Variants in TCF7 observed in about 807,000 individuals in gnomAD.
The protein encoded by TCF7 is T-cell-factor-7.
TCF7 carries 19 observed loss-of-function variants against 46.8 expected under a neutral mutation model. That is an observed-to-expected ratio of 0.41 (90% CI 0.28 to 0.60). The LOEUF (loss-of-function observed/expected upper bound fraction) is 0.60, where lower values mean the gene tolerates loss of function less well. Among genes scored for constraint, TCF7 ranks in the 20% least tolerant of loss-of-function variants. The pLI is 0.35. For missense variants in TCF7, 547 were observed against 504.6 expected, an observed-to-expected ratio of 1.08 and a Z score of -0.81; for synonymous variants, 245 against 213.4, an observed-to-expected ratio of 1.15 and a Z score of -1.29.
intron 3 of TCF7, among the ~76,000 whole-genome samples, chr5:134,130,198 GA>G (rs1161702397): frequency 1.3e-5 from 2 of 152,216 alleles, no homozygotes; most frequent in Admixed American, 6.5e-5. Context: ...TGGGGTCTGC[GA>G]AAGCCCACAA....
chr5:134,145,637 A>C, intron 9 of TCF7: 1 of 1,228,636 alleles, frequency 8.1e-7, no homozygotes, highest in Non-Finnish European at 1.2e-6. Flanking sequence ...CTCCCTGTCC[A>C]AGGGCAAGGA....
chr5:134,114,042 G>C (rs1755459102), upstream of TCF7, among the ~76,000 whole-genome samples: 1 of 152,328 alleles, frequency 6.6e-6, no homozygotes, highest in Non-Finnish European at 1.5e-5. Flanking sequence ...GCTCGGAGCC[G>C]TCGCCTGACT....
At chr5:134,110,333 C>A (rs907766521), upstream of TCF7, among the ~76,000 whole-genome samples, 1 of 152,122 alleles carries the variant, frequency 6.6e-6, no homozygotes, top group Non-Finnish European at 1.5e-5. Flanking sequence ...ACAGAAGAGT[C>A]CTTCCTTCCT....
chr5:134,140,562 G>C, intron 5 of TCF7: 1 of 338,260 alleles, frequency 3.0e-6, no homozygotes. Context: ...GAGGGGCCCA[G>C]GGGCCTGCTA....
intron 3 of TCF7, among the ~76,000 whole-genome samples, chr5:134,116,423 C>G (rs1038971840): frequency 7.2e-5 from 11 of 152,232 alleles, no homozygotes; most frequent in African/African-American, 2.7e-4. Context: ...CCAGGAAACC[C>G]TGAGCCTCCT....
chr5:134,127,751 C>T (rs772971729), intron 3 of TCF7, among the ~76,000 whole-genome samples: 5 of 152,234 alleles, frequency 3.3e-5, no homozygotes, highest in Non-Finnish European at 5.9e-5. Flanking sequence ...CTGGTCATTG[C>T]GGGCCAGCCA....
intron 2 of TCF7, 25 bp downstream of exon 2, chr5:134,115,412 C>T: frequency 1.3e-6 from 2 of 1,582,128 alleles, no homozygotes; most frequent in East Asian, 2.3e-5. Flanking sequence ...GGCCCGGCTT[C>T]CCTTCGTCGC....
chr5:134,138,491 G>A, intron 4 of TCF7: 1 of 320,506 alleles, frequency 3.1e-6, no homozygotes, highest in South Asian at 7.4e-5. Flanking sequence ...AGTGGTGGTT[G>A]TGATGGCTGA....
intron 3 of TCF7, among the ~76,000 whole-genome samples, chr5:134,125,108 T>C (rs1339405882): frequency 6.6e-6 from 1 of 152,124 alleles, no homozygotes; most frequent in African/African-American, 2.4e-5. Context: ...CTTGCAAGCA[T>C]TGCTCCAGAG....
At chr5:134,126,602 A>G (rs1757376247) in intron 3 of TCF7, among the ~76,000 whole-genome samples, 1 of 152,252 alleles carries the variant, frequency 6.6e-6, no homozygotes. Flanking sequence ...TACTCATATC[A>G]AGATTGTACA....
upstream of TCF7, among the ~76,000 whole-genome samples, chr5:134,110,703 G>C (rs1040534770): frequency 5.3e-5 from 8 of 152,360 alleles, no homozygotes; most frequent in Middle Eastern, 3.4e-3. Flanking sequence ...TGAGCAGGAA[G>C]AGACGCCGCT....
upstream of TCF7, among the ~76,000 whole-genome samples, chr5:134,110,692 G>A (rs1755316450): frequency 6.6e-6 from 1 of 152,232 alleles, no homozygotes; most frequent in African/African-American, 2.4e-5. Context: ...AGGCGGGCTG[G>A]TGAGCAGGAA....
intron 3 of TCF7, among the ~76,000 whole-genome samples, chr5:134,128,470 C>G (rs1757649613): frequency 6.6e-6 from 1 of 151,930 alleles, no homozygotes; most frequent in Non-Finnish European, 1.5e-5. Flanking sequence ...CAGACAGAGC[C>G]CCAGGGGTCT....
rs1181978581 is a variant in TCF7 at position 134,146,550 on chromosome 5, G to A, written c.*247G>A. On this transcript the variant is annotated 3_prime_UTR_variant, in exon 10 of 10. Transcript: ENST00000342854. Reference sequence around the variant, plus strand: ...GCACAGGACACCTGGCCGCCTCCAGGAGCCTACCCCCTGAAAGTGACAGAG... The same window carrying A: ...GCACAGGACACCTGGCCGCCTCCAGAAGCCTACCCCCTGAAAGTGACAGAG... 1 of 713,452 alleles carries A rather than the reference G, an allele frequency of 1.4e-6. No individual in the cohort carries two copies. Among genetic ancestry groups the A allele is most frequent in the Non-Finnish European group, 2.6e-6 (1 of 384,674 alleles). 44.2% of individuals were successfully genotyped at this position (713,452 alleles called of 1,614,324 possible).
At chr5:134,125,364 G>A (rs1486855908) in intron 3 of TCF7, among the ~76,000 whole-genome samples, 1 of 152,238 alleles carries the variant, frequency 6.6e-6, no homozygotes, top group African/African-American at 2.4e-5. Context: ...GTGGGGCTCA[G>A]CTGACCTCTG....
Position 134,147,576 on chromosome 5 carries a change from T to A in TCF7, c.*1273T>A, listed in dbSNP as rs1472584388. ...AAAACCTCCAGTAGTGGACAACAGG[T>A]TTTCACCATAGCCTACGTTAACCCA... On this transcript the variant is annotated 3_prime_UTR_variant, in exon 10 of 10. Coordinates refer to ENST00000342854, the MANE Select transcript of TCF7 (RefSeq NM_003202.5). 1 of 152,472 alleles carries A rather than the reference T, an allele frequency of 6.6e-6. No individual in the cohort carries two copies. Among genetic ancestry groups the A allele is most frequent in the African/African-American group, 2.4e-5 (1 of 41,384 alleles). The allele number at this position is 152,472 out of a possible 1,614,324, so 9.4% of individuals were successfully genotyped here.
At chr5:134,136,934 G>A (rs1330679837) in intron 3 of TCF7, among the ~76,000 whole-genome samples, 1 of 152,194 alleles carries the variant, frequency 6.6e-6, no homozygotes, top group East Asian at 1.9e-4. Flanking sequence ...TTGCAAACGG[G>A]CTTTTCAAAG....
At position 134,142,779 on chromosome 5, in the gene TCF7, C is replaced by T; in HGVS notation, c.814C>T (p.Pro272Ser). 1 of 1,614,162 alleles carries T rather than the reference C, an allele frequency of 6.2e-7. No individual in the cohort carries two copies. Among genetic ancestry groups the T allele is most frequent in the Non-Finnish European group, 8.5e-7 (1 of 1,180,032 alleles). The change falls in exon 7 of 10, where the codon CCC (proline) becomes TCC (serine). Residue 272 changes from proline to serine, a missense_variant. Coordinates refer to ENST00000342854, the MANE Select transcript of TCF7 (RefSeq NM_003202.5). ...GGCCAAGAAGCCAACCATCAAGAAG[C>T]CCCTCAATGCCTTCATGCTGTACAT... The part of the protein sequence containing the change: ...KEAKKPTIKK[P>S]LNAFMLYMKE...
chr5:134,142,281 G>A lies in TCF7; in HGVS notation c.732G>A (p.Glu244=), dbSNP rs761097223. 1.3e-6 allele frequency: 2 copies of A among 1,597,544 alleles called. No individual in the cohort carries two copies. The highest frequency in any genetic ancestry group is 2.7e-5 in the African/African-American group (2 of 74,422). The change falls in exon 6 of 10, where the codon GAG becomes GAA. Residue 244 remains glutamate, a synonymous_variant. Transcript: ENST00000342854. ...TTGTGCCCCCCTCAGGGAAGCAGGAGCTGCAGCCCTTCGACCGCAACCTGT... is the reference window on the plus strand; with the variant it reads ...TTGTGCCCCCCTCAGGGAAGCAGGAACTGCAGCCCTTCGACCGCAACCTGT... ...PAIVPPSGKQ[E]LQPFDRNLKT... is the part of the protein sequence containing the mutation.
Sources: gnomAD v4.1 joint callset for allele counts (sites outside exome capture counted in the v4.1 genomes callset) on GRCh38, gnomAD v4.1.1 for gene constraint, MANE v1.5 for transcripts, NCBI Gene and HGNC (gene_info 2026-07-23, HGNC 2026-07-21) for gene names.